Variants in IGDCC4 observed in about 807,000 individuals in gnomAD.
IGDCC4 encodes the protein likely ortholog of mouse neighbor of Punc E11.
In IGDCC4, 72 loss-of-function variants were observed where a neutral mutation model predicts 116.6. That is an observed-to-expected ratio of 0.62 (90% CI 0.51 to 0.75). IGDCC4 has a LOEUF of 0.75. Ranked by LOEUF, IGDCC4 falls within the 30% of genes least tolerant of loss-of-function variation. IGDCC4 has a pLI of 0.00. For missense variants in IGDCC4, 1,501 were observed against 1,662.4 expected, an observed-to-expected ratio of 0.90 and a Z score of 1.69; for synonymous variants, 709 against 719.9, an observed-to-expected ratio of 0.98 and a Z score of 0.24.
At chr15:65,416,263 G>A (rs1056661453) in intron 1 of IGDCC4, among the ~76,000 whole-genome samples, 9 of 140,482 alleles carry the variant, frequency 6.4e-5, no homozygotes, top group African/African-American at 1.6e-4. Flanking sequence ...TCAGCCTCCC[G>A]AGTAGCTGGG....
rs374835650 is a variant in IGDCC4 at position 65,394,063 on chromosome 15, C to T, written c.1714+348G>A. ...TTACCCAGATGGGAGTACAATGGCA[C>T]GATCACAGTTCCCTGCAGCCTTGAA... On this transcript the variant is annotated intron_variant, in intron 9 of 19. Transcript: ENST00000352385. Among the ~76,000 whole-genome samples, 8 of 152,140 alleles carry T rather than the reference C, an allele frequency of 5.3e-5. No individual in the cohort carries two copies. The South Asian group carries it at 8.3e-4, about 16-fold the overall frequency.
At position 65,384,337 on chromosome 15, in the gene IGDCC4, G is replaced by A; in HGVS notation, c.3425C>T (p.Ser1142Phe). Residue 1142 changes from serine (S) to phenylalanine (F), a missense_variant, in exon 20 of 20, where the codon TCT (serine) becomes TTT (phenylalanine). This residue lies in a region of IGDCC4 where 368 missense variants were observed against 355.6 expected (regional missense o/e 1.03). Transcript: ENST00000352385. The surrounding 1 kb of genome is among the most constrained non-coding windows in gnomAD (Gnocchi z 4.9). ...GAGATGGAGGTCAGGGTTCCCGTTAGATGCACTAAAGTCAGAGTGGACAAT... is the reference window on the plus strand; with the variant it reads ...GAGATGGAGGTCAGGGTTCCCGTTAAATGCACTAAAGTCAGAGTGGACAAT... ...EVIVHSDFSA[S>F]NGNPDLHLQD... is the part of the protein sequence containing the mutation. 1 of 1,596,428 alleles carries A rather than the reference G, an allele frequency of 6.3e-7. No homozygotes were observed. Among genetic ancestry groups the A allele is most frequent in the Non-Finnish European group, 8.5e-7 (1 of 1,172,326 alleles).
Position 65,384,761 on chromosome 15 carries a change from A to T in IGDCC4, c.3342+193T>A. On this transcript the variant is annotated intron_variant, in intron 19 of 19. Transcript: ENST00000352385. The surrounding 1 kb of genome is among the most constrained non-coding windows in gnomAD (Gnocchi z 4.9). Reference sequence around the variant, plus strand: ...GTAGAGGAGGGGCTGTTTTCAACCCAGGTTGAAACAGGTTCCTGCAAACTG... The same window carrying T: ...GTAGAGGAGGGGCTGTTTTCAACCCTGGTTGAAACAGGTTCCTGCAAACTG... 3 of 696,182 alleles carry T rather than the reference A, an allele frequency of 4.3e-6. No individual in the cohort carries two copies. The highest frequency in any genetic ancestry group is 6.9e-6 in the Non-Finnish European group (3 of 434,180). The allele number at this position is 696,182 out of a possible 1,614,324, so 43.1% of individuals were successfully genotyped here. A position where few individuals can be genotyped will look rare whatever the true frequency, so the allele number is the denominator to read the frequency against.
chr15:65,411,375 A>G lies in IGDCC4; in HGVS notation c.71-5T>C. Reference sequence around the variant, plus strand: ...CCTGGGGCAACAGCAGCTCCCCTGCATAGAGGAGGAGCACGGGGCCATCAG... The same window carrying G: ...CCTGGGGCAACAGCAGCTCCCCTGCGTAGAGGAGGAGCACGGGGCCATCAG... On this transcript the variant is annotated splice_polypyrimidine_tract_variant and splice_region_variant and intron_variant, in intron 1 of 19. Coordinates refer to ENST00000352385, the MANE Select transcript of IGDCC4 (RefSeq NM_020962.3). 6.4e-7 allele frequency: 1 copy of G among 1,552,540 alleles called. No individual in the cohort carries two copies. Among genetic ancestry groups the G allele is most frequent in the Admixed American group, 1.8e-5 (1 of 54,964 alleles).
rs1331011209 is a variant in IGDCC4 at position 65,392,346 on chromosome 15, T to A, written c.1910A>T (p.Lys637Met). The A allele has an allele frequency of 3.2e-6, 5 of 1,551,298 alleles. No homozygotes were observed. The highest frequency in any genetic ancestry group is 4.4e-6 in the Non-Finnish European group (5 of 1,145,624). ...CAGGGACTCCATCTTTGCCTGCACC[T>A]TCAACTCTGCAGGGGCAAAAGGGAC... ...SHVPFAPAEL[K>M]VQAKMESLVV... is the part of the protein sequence containing the mutation. Residue 637 changes from lysine (K) to methionine (M), a missense_variant, in exon 11 of 20, where the codon AAG becomes ATG. Transcript: ENST00000352385.
Position 65,384,311 on chromosome 15 carries a change from G to A in IGDCC4, c.3451C>T (p.Gln1151Ter). The A allele has an allele frequency of 3.1e-6, 5 of 1,606,946 alleles. No homozygotes were observed. The highest frequency in any genetic ancestry group is 4.3e-6 in the Non-Finnish European group (5 of 1,176,464). The change falls in exon 20 of 20, where the codon CAA (glutamine) becomes TAA (stop). Residue 1151 changes from glutamine (Q) to a stop codon, truncating the protein, a stop_gained. Coordinates refer to ENST00000352385, the MANE Select transcript of IGDCC4 (RefSeq NM_020962.3). LOFTEE classifies it low-confidence loss of function (END_TRUNC). The surrounding 1 kb of genome is among the most constrained non-coding windows in gnomAD (Gnocchi z 4.9). ...ASNGNPDLHLQDLEPEDPLPP... is the reference protein window; with the variant it reads ...ASNGNPDLHL ...AGGGGGTCCTCAGGCTCCAGGTCTT[G>A]GAGATGGAGGTCAGGGTTCCCGTTA...
rs2063092011 is a variant in IGDCC4 at position 65,411,339 on chromosome 15, C to G, written c.102G>C (p.Val34=). Reference sequence around the variant, plus strand: ...GTGGCCCCACTCCACAGCTCAGCTCCACAGTCGTCTCCTGGGGCAACAGCA... The same window carrying G: ...GTGGCCCCACTCCACAGCTCAGCTCGACAGTCGTCTCCTGGGGCAACAGCA... ...GELLLPQETT[V]ELSCGVGPLQ... Residue 34 remains valine, a synonymous_variant, in exon 2 of 20, where the codon GTG becomes GTC. Coordinates refer to ENST00000352385, the MANE Select transcript of IGDCC4 (RefSeq NM_020962.3). 1 of 1,590,550 alleles carries G rather than the reference C, an allele frequency of 6.3e-7. No individual in the cohort carries two copies. Among genetic ancestry groups the G allele is most frequent in the Non-Finnish European group, 8.6e-7 (1 of 1,165,706 alleles).
At chr15:65,420,072 G>A (rs575553410) in intron 1 of IGDCC4, among the ~76,000 whole-genome samples, 3 of 152,030 alleles carry the variant, frequency 2.0e-5, no homozygotes, top group Admixed American at 6.5e-5. Flanking sequence ...TCAGACTCCC[G>A]AGTAGCTGGG....
chr15:65,388,738 T>C, intron 15 of IGDCC4, 70 bp downstream of exon 15: 1 of 1,605,998 alleles, frequency 6.2e-7, no homozygotes, highest in South Asian at 1.1e-5. Context: ...ACCCCAGCAC[T>C]GTTCTCACTG....
intron 12 of IGDCC4, 139 bp from the exon 13 acceptor site, chr15:65,390,477 C>T (rs2091504385): frequency 3.3e-6 from 2 of 609,610 alleles, no homozygotes; most frequent in African/African-American, 1.8e-5. Context: ...ATTCCTACTT[C>T]ACAGATAAGG....
At chr15:65,392,532 G>A (rs1291905479) in intron 10 of IGDCC4, among the ~76,000 whole-genome samples, 162 bp from the exon 11 acceptor site, 1 of 152,186 alleles carries the variant, frequency 6.6e-6, no homozygotes, top group Admixed American at 6.5e-5. Flanking sequence ...TCACCACTCA[G>A]CCACCACTCT....
At chr15:65,418,715 C>T (rs1385060795) in intron 1 of IGDCC4, among the ~76,000 whole-genome samples, 2 of 152,298 alleles carry the variant, frequency 1.3e-5, no homozygotes, top group East Asian at 3.9e-4. Flanking sequence ...CAGAGCCATG[C>T]TTACTCCTCC....
intron 1 of IGDCC4, among the ~76,000 whole-genome samples, chr15:65,420,278 C>T (rs2140246178): frequency 6.6e-6 from 1 of 152,322 alleles, no homozygotes; most frequent in African/African-American, 2.4e-5. Context: ...TCGCCCCCTA[C>T]AAATTCAATC....
At position 65,394,945 on chromosome 15, in the gene IGDCC4, G is replaced by A. The variant is rs1281492385; in HGVS notation, c.1576+149C>T. 1.5e-5 allele frequency: 13 copies of A among 859,142 alleles called. No homozygotes were observed. The Admixed American group carries it at 3.3e-4, about 22-fold the overall frequency. 53.2% of individuals were successfully genotyped at this position (859,142 alleles called of 1,614,324 possible). On this transcript the variant is annotated intron_variant, in intron 8 of 19. Transcript: ENST00000352385. ...CTCAGTTTCCCCAACTGTGAACTGA[G>A]GAGAAGAACCCCGCCCACTCTCTTA...
At chr15:65,385,551 C>A in intron 18 of IGDCC4, 1 of 575,234 alleles carries the variant, frequency 1.7e-6, no homozygotes, top group Middle Eastern at 4.7e-4. Flanking sequence ...GTCTCCCCAG[C>A]TCCAGGGATG....
intron 3 of IGDCC4, among the ~76,000 whole-genome samples, chr15:65,409,621 C>T (rs183539431): frequency 6.6e-6 from 1 of 152,376 alleles, no homozygotes; most frequent in East Asian, 1.9e-4. Flanking sequence ...AAACTCTTCC[C>T]TGGGATTGCT....
chr15:65,386,715 G>C, intron 16 of IGDCC4, 59 bp from the exon 17 acceptor site: 10 of 1,322,186 alleles, frequency 7.6e-6, no homozygotes, highest in Non-Finnish European at 9.6e-6. Flanking sequence ...ACAGGGCATA[G>C]ATCAGGACTA....
In IGDCC4 at chr15:65,384,498, G is replaced by T; in HGVS notation, c.3343-79C>A. ...CAGAATGACCAGCGTACGTGGGGCAGAAAGTCTGACCCTCCATCAGAGTAA... is the reference window on the plus strand; with the variant it reads ...CAGAATGACCAGCGTACGTGGGGCATAAAGTCTGACCCTCCATCAGAGTAA... On this transcript the variant is annotated intron_variant, in intron 19 of 19. Coordinates refer to ENST00000352385, the MANE Select transcript of IGDCC4 (RefSeq NM_020962.3). This position sits in a 1 kb window ranked among gnomAD's most constrained non-coding sequence, Gnocchi z 4.9. 7.2e-7 allele frequency: 1 copy of T among 1,379,764 alleles called. No individual in the cohort carries two copies. Among genetic ancestry groups the T allele is most frequent in the Non-Finnish European group, 9.6e-7 (1 of 1,037,302 alleles). 85.5% of individuals were successfully genotyped at this position (1,379,764 alleles called of 1,614,324 possible).
In IGDCC4 at chr15:65,384,151, G is replaced by A. The variant is rs750539214; in HGVS notation, c.3611C>T (p.Ala1204Val). ...PDRLTCLPEA[A>V]SASCSYPDLQ... ...GTCCGGGTAGGAGCAGGAAGCACTG[G>A]CTGCCTCTGGCAAGCAGGTAAGTCT... The change falls in exon 20 of 20, where the codon GCC (alanine) becomes GTC (valine). Residue 1204 changes from alanine (A) to valine (V), a missense_variant. Physicochemically the swap from Ala to Val is moderately conservative, Grantham distance 64 (BLOSUM62 0). Transcript: ENST00000352385. The surrounding 1 kb of genome is among the most constrained non-coding windows in gnomAD (Gnocchi z 4.9). The A allele has an allele frequency of 6.2e-7, 1 of 1,613,808 alleles. No individual in the cohort carries two copies. Among genetic ancestry groups the A allele is most frequent in the Non-Finnish European group, 8.5e-7 (1 of 1,179,922 alleles).
Sources: gnomAD v4.1 joint callset for allele counts (sites outside exome capture counted in the v4.1 genomes callset) on GRCh38, gnomAD v4.1.1 for gene constraint, gnomAD v4.1.1 regional missense constraint, Gnocchi (gnomAD v3.1) non-coding constraint, MANE v1.5 for transcripts, NCBI Gene and HGNC (gene_info 2026-07-23, HGNC 2026-07-21) for gene names.